TRHDE: variants seen among roughly 807,000 people sequenced by gnomAD.
TRHDE encodes the protein thyrotropin releasing hormone degrading enzyme.
Under a neutral mutation model 125.7 loss-of-function variants are expected in TRHDE, and 72 were observed. The observed-to-expected ratio is 0.57, with a 90% CI of 0.47 to 0.70. The LOEUF (loss-of-function observed/expected upper bound fraction) is 0.70. Ranked by LOEUF, TRHDE falls within the 30% of genes least tolerant of loss-of-function variation. The probability of loss-of-function intolerance (pLI) is 0.00; values close to 1 mark genes in which losing one functional copy is unlikely to be tolerated. For missense variants in TRHDE, 1,110 were observed against 1,327.1 expected, an observed-to-expected ratio of 0.84 and a Z score of 2.54; for synonymous variants, 509 against 509.1, an observed-to-expected ratio of 1.00 and a Z score of 0.00.
rs974590869 is a variant in TRHDE, at chr12:72,522,036, A to T, written c.1723-20255A>T. 2.0e-5 allele frequency among the ~76,000 whole-genome samples: 3 copies of T among 152,144 alleles called. No homozygotes were observed. The East Asian group carries it at 5.8e-4, about 29-fold the overall frequency. ...CCAGATACTTTTGTGTATGTTTTTT[A>T]CGTATATTAAGTCATTTAATTCTTA... On this transcript the variant is annotated intron_variant, in intron 6 of 18. Coordinates refer to ENST00000261180, the MANE Select transcript of TRHDE (RefSeq NM_013381.3).
intron 13 of TRHDE, among the ~76,000 whole-genome samples, chr12:72,620,501 G>A (rs982675206): frequency 6.6e-6 from 1 of 151,770 alleles, no homozygotes; most frequent in African/African-American, 2.4e-5. Flanking sequence ...TCCAGCCTGA[G>A]CAACAGAGTG....
intron 12 of TRHDE, among the ~76,000 whole-genome samples, chr12:72,617,288 T>C (rs573697026): frequency 6.6e-6 from 1 of 152,210 alleles, no homozygotes; most frequent in African/African-American, 2.4e-5. Flanking sequence ...ATCGTTAGAG[T>C]GTCACACATT....
At chr12:72,422,316 A>C (rs536540952) in intron 3 of TRHDE, among the ~76,000 whole-genome samples, 32 of 152,154 alleles carry the variant, frequency 2.1e-4, no homozygotes, top group Middle Eastern at 3.4e-3. Flanking sequence ...CGTTTATTAC[A>C]ACTTCCACCA....
At chr12:72,165,044 A>T (rs933064137) in intron 2 of TRHDE, among the ~76,000 whole-genome samples, 9 of 152,166 alleles carry the variant, frequency 5.9e-5, no homozygotes, top group African/African-American at 2.2e-4. Context: ...AATAAAATAG[A>T]TGGGCAGCTC....
chr12:72,104,607 G>A (rs1373256272), intron 1 of TRHDE, among the ~76,000 whole-genome samples: 5 of 152,168 alleles, frequency 3.3e-5, no homozygotes, highest in African/African-American at 4.8e-5. Context: ...TGTCAGCAAC[G>A]AGTCACTTAC....
At chr12:72,574,879 T>C (rs1056036921) in intron 10 of TRHDE, among the ~76,000 whole-genome samples, 5 of 152,120 alleles carry the variant, frequency 3.3e-5, no homozygotes, top group Non-Finnish European at 5.9e-5. Context: ...TAGTAGAATA[T>C]GCATCTAAAA....
chr12:72,204,822 G>A (rs10784953), intron 2 of TRHDE, among the ~76,000 whole-genome samples: 20,410 of 152,024 alleles, frequency 0.13, 2,158 homozygotes, highest in African/African-American at 0.29. Context: ...AGTATTTTCA[G>A]TGTTTATGTT....
chr12:72,518,374 G>T (rs896808143), intron 6 of TRHDE, among the ~76,000 whole-genome samples: 1 of 150,784 alleles, frequency 6.6e-6, no homozygotes, highest in Non-Finnish European at 1.5e-5. Flanking sequence ...TCTTATTGTT[G>T]AATTGATTCC....
At chr12:72,598,023 A>T (rs1419009081) in intron 12 of TRHDE, among the ~76,000 whole-genome samples, 1 of 151,836 alleles carries the variant, frequency 6.6e-6, no homozygotes, top group Admixed American at 6.6e-5. Flanking sequence ...TTTCCAAAAA[A>T]TTGAGCAAAT....
intron 12 of TRHDE, among the ~76,000 whole-genome samples, chr12:72,616,125 A>C (rs959253374): frequency 1.3e-5 from 2 of 152,070 alleles, no homozygotes; most frequent in African/African-American, 4.8e-5. Flanking sequence ...AACTTGCTCC[A>C]TTTCTCTGTT....
chr12:72,448,557 T>C (rs1875414448), intron 3 of TRHDE, among the ~76,000 whole-genome samples: 1 of 152,038 alleles, frequency 6.6e-6, no homozygotes, highest in African/African-American at 2.4e-5. Context: ...TATTTGAAGG[T>C]TAAATATTAA....
chr12:72,200,433 C>T (rs1484659997), intron 2 of TRHDE, among the ~76,000 whole-genome samples: 1 of 152,096 alleles, frequency 6.6e-6, no homozygotes, highest in African/African-American at 2.4e-5. Flanking sequence ...AGAATAAACA[C>T]CTGTTGACTG....
intron 12 of TRHDE, among the ~76,000 whole-genome samples, chr12:72,600,473 T>G (rs1360389239): frequency 2.0e-5 from 3 of 151,748 alleles, no homozygotes; most frequent in Non-Finnish European, 3.0e-5. Context: ...TCTTTCACCT[T>G]ATTGGCTAGA....
intron 18 of TRHDE, among the ~76,000 whole-genome samples, chr12:72,657,749 G>C (rs192483047): frequency 7.8e-4 from 118 of 152,220 alleles, no homozygotes; most frequent in African/African-American, 2.7e-3. Context: ...ATAGAGAGAT[G>C]AGAAATGGGG....
At chr12:72,373,750 C>T (rs1330288202) in intron 2 of TRHDE, among the ~76,000 whole-genome samples, 1 of 152,108 alleles carries the variant, frequency 6.6e-6, no homozygotes, top group East Asian at 1.9e-4. Context: ...AATCCTTGAT[C>T]GAGAATCTCT....
chr12:72,575,157 T>G, intron 10 of TRHDE, 98 bp from the exon 11 acceptor site: 1 of 1,136,362 alleles, frequency 8.8e-7, no homozygotes, highest in African/African-American at 1.6e-5. Flanking sequence ...TGACATTCAC[T>G]TAATTATTGG....
Position 72,272,565 on chromosome 12 carries a change from T to C in TRHDE, c.-79T>C, listed in dbSNP as rs1007498011. 1.7e-5 allele frequency: 10 copies of C among 605,140 alleles called. No homozygotes were observed. Among genetic ancestry groups the C allele is most frequent in the Non-Finnish European group, 2.8e-5 (10 of 352,444 alleles). 37.5% of individuals were successfully genotyped at this position (605,140 alleles called of 1,614,324 possible). On this transcript the variant is annotated 5_prime_UTR_variant, in exon 1 of 19. It removes an upstream start codon present in the reference 5' UTR. Coordinates refer to ENST00000261180, the MANE Select transcript of TRHDE (RefSeq NM_013381.3). The surrounding 1 kb of genome is among the most constrained non-coding windows in gnomAD (Gnocchi z 6.7). ...CCCTCGGCCCGCGTGAGCTCTCCGA[T>C]GCCTGCTCTGGCTGTGGCCCGGGTG...
chr12:72,216,824 T>C (rs780203856), intron 2 of TRHDE, among the ~76,000 whole-genome samples: 5 of 152,190 alleles, frequency 3.3e-5, no homozygotes, highest in Non-Finnish European at 5.9e-5. Flanking sequence ...AATTTCCTAT[T>C]ATGAATAATT....
At chr12:72,620,074 A>G (rs1872981227) in intron 13 of TRHDE, among the ~76,000 whole-genome samples, 1 of 152,058 alleles carries the variant, frequency 6.6e-6, no homozygotes, top group Non-Finnish European at 1.5e-5. Context: ...TTATGATACA[A>G]TTTTTTACTT....
Sources: gnomAD v4.1 joint callset for allele counts (sites outside exome capture counted in the v4.1 genomes callset) on GRCh38, gnomAD v4.1.1 for gene constraint, Gnocchi (gnomAD v3.1) non-coding constraint, MANE v1.5 for transcripts, NCBI Gene and HGNC (gene_info 2026-07-23, HGNC 2026-07-21) for gene names.